The following CLYBL variants were observed in gnomAD, a reference collection of about 807,000 sequenced individuals.
CLYBL encodes the protein citramalyl-CoA lyase, also known as citramalyl-CoA lyase, mitochondrial.
A neutral mutation model predicts 38.9 loss-of-function variants in CLYBL; 31 were observed. That is an observed-to-expected ratio of 0.80 (90% CI 0.60 to 1.08). The LOEUF is 1.08. Ranked by LOEUF, CLYBL falls within the 50% of genes least tolerant of loss-of-function variation. CLYBL has a pLI of 0.00. For missense variants in CLYBL, 434 were observed against 411.6 expected (o/e 1.05, Z -0.47); for synonymous variants, 171 against 158.6 (o/e 1.08, Z -0.59).
In CLYBL at chr13:99,830,145, G is replaced by A. The variant is rs144616916; in HGVS notation, c.250-28716G>A. Among the ~76,000 whole-genome samples, 114 of 152,278 alleles carry A rather than the reference G, an allele frequency of 7.5e-4. 1 individual carries two copies. The highest frequency in any genetic ancestry group is 2.2e-3 in the African/African-American group (90 of 41,558). ...ACTTTTGTCTCCTTGTTTCTAAAAT[G>A]ACTAGATAATTGTAGAGCTTTCTTC... On this transcript the variant is annotated intron_variant, in intron 2 of 8. Coordinates refer to ENST00000339105, the MANE Select transcript of CLYBL (RefSeq NM_206808.5).
intron 1 of CLYBL, among the ~76,000 whole-genome samples, chr13:99,615,883 G>A (rs1380559327): frequency 6.6e-6 from 1 of 152,124 alleles, no homozygotes; most frequent in Non-Finnish European, 1.5e-5. Context: ...GCTCAGGCTG[G>A]AGTGCAGTGG....
At chr13:99,875,732 C>T (rs754300501) in intron 7 of CLYBL, among the ~76,000 whole-genome samples, 1 of 152,216 alleles carries the variant, frequency 6.6e-6, no homozygotes, top group African/African-American at 2.4e-5. Flanking sequence ...CCACACCCAT[C>T]CAGCCCACGA....
At chr13:99,789,581 G>C (rs566410828) in intron 2 of CLYBL, among the ~76,000 whole-genome samples, 2 of 152,282 alleles carry the variant, frequency 1.3e-5, no homozygotes, top group African/African-American at 4.8e-5. Flanking sequence ...TATAATTTCT[G>C]TTCTTTGACA....
chr13:99,872,867 AGCGTTGTT>A (rs2051942990), intron 7 of CLYBL, among the ~76,000 whole-genome samples: 1 of 152,170 alleles, frequency 6.6e-6, no homozygotes, highest in African/African-American at 2.4e-5. Flanking sequence ...TATCTTGAAA[AGCGTTGTT>A]CCCTGGGAAA....
At chr13:99,885,086 C>A (rs2052316175) in intron 7 of CLYBL, 1 of 529,974 alleles carries the variant, frequency 1.9e-6, no homozygotes, top group South Asian at 1.4e-5. Flanking sequence ...GTGCTGGGTG[C>A]CAGGTCCTGG....
intron 1 of CLYBL, among the ~76,000 whole-genome samples, chr13:99,679,091 G>A (rs1238891338): frequency 6.6e-6 from 1 of 152,078 alleles, no homozygotes. Context: ...TCAGGAGATT[G>A]AGATCATCCT....
intron 1 of CLYBL, among the ~76,000 whole-genome samples, chr13:99,702,516 G>A (rs1244398029): frequency 2.0e-5 from 3 of 151,462 alleles, no homozygotes; most frequent in Admixed American, 6.6e-5. Context: ...CCTGTAATCC[G>A]AGCTACTTAG....
At chr13:99,887,682 G>T (rs2152129164) in intron 7 of CLYBL, among the ~76,000 whole-genome samples, 1 of 152,296 alleles carries the variant, frequency 6.6e-6, no homozygotes, top group Middle Eastern at 3.4e-3. Context: ...GAGCCTGGGA[G>T]GTCGAGGCTG....
chr13:99,734,912 A>G (rs1444378892), intron 1 of CLYBL, among the ~76,000 whole-genome samples: 2 of 152,218 alleles, frequency 1.3e-5, no homozygotes. Flanking sequence ...CTATATTACT[A>G]TAAAATCTAC....
rs937083552 is a variant in CLYBL, at chr13:99,849,270, G to A, written c.250-9591G>A. Among the ~76,000 whole-genome samples the A allele has an allele frequency of 3.3e-5, 5 of 152,154 alleles. No homozygotes were observed. In the East Asian group the frequency reaches 7.7e-4, roughly 23 times the overall value. On this transcript the variant is annotated intron_variant, in intron 2 of 8. Transcript: ENST00000339105. This position sits in a 1 kb window ranked among gnomAD's most constrained non-coding sequence, Gnocchi z 4.9. ...TGCATGTCTGTAGTCCCAGTTAGTC[G>A]GGAGGCCGTGGTGGGAGGATTGCTT...
chr13:99,685,949 A>C (rs996390318), intron 1 of CLYBL, among the ~76,000 whole-genome samples: 8 of 152,096 alleles, frequency 5.3e-5, no homozygotes, highest in African/African-American at 1.9e-4. Flanking sequence ...GCGACAGAAC[A>C]AGACCCTGTT....
intron 1 of CLYBL, among the ~76,000 whole-genome samples, chr13:99,672,209 T>C (rs1323851409): frequency 6.6e-6 from 1 of 150,992 alleles, no homozygotes; most frequent in Non-Finnish European, 1.5e-5. Context: ...TTTCTTTTTT[T>C]TTTTTTTGAG....
At chr13:99,619,310 C>T (rs144205272) in intron 1 of CLYBL, among the ~76,000 whole-genome samples, 134 of 152,286 alleles carry the variant, frequency 8.8e-4, no homozygotes, top group African/African-American at 2.4e-3. Context: ...AGCAATAAGG[C>T]GCCATATTGG....
At chr13:99,817,149 C>A (rs900180179) in intron 2 of CLYBL, among the ~76,000 whole-genome samples, 1 of 152,088 alleles carries the variant, frequency 6.6e-6, no homozygotes, top group Non-Finnish European at 1.5e-5. Flanking sequence ...TCATTGAGAT[C>A]GTAGTGTGTT....
chr13:99,732,374 C>T (rs76724953), intron 1 of CLYBL, among the ~76,000 whole-genome samples: 2,241 of 151,928 alleles, frequency 0.015, 27 homozygotes, highest in South Asian at 0.03. Context: ...TTGTATATTT[C>T]GTAGAGATGG....
At chr13:99,646,299 G>T (rs974229487) in intron 1 of CLYBL, among the ~76,000 whole-genome samples, 2 of 152,066 alleles carry the variant, frequency 1.3e-5, no homozygotes, top group African/African-American at 4.8e-5. Flanking sequence ...TTCTAATGAG[G>T]AGTGGTGTGT....
chr13:99,898,133 G>A (rs2052603868), downstream of CLYBL, among the ~76,000 whole-genome samples: 1 of 152,182 alleles, frequency 6.6e-6, no homozygotes, highest in South Asian at 2.1e-4. Context: ...CTGGCTAAAG[G>A]GGAGAGATTC....
intron 2 of CLYBL, among the ~76,000 whole-genome samples, chr13:99,816,008 C>A (rs897573075): frequency 6.6e-6 from 1 of 152,164 alleles, no homozygotes. Flanking sequence ...TTCTGAATTC[C>A]AGTCAAACAA....
chr13:99,789,012 A>T (rs1167257021), intron 2 of CLYBL, among the ~76,000 whole-genome samples: 4 of 152,104 alleles, frequency 2.6e-5, no homozygotes, highest in Non-Finnish European at 5.9e-5. Context: ...GTATTCTCTG[A>T]TGGTAGTTTG....
Sources: gnomAD v4.1 joint callset for allele counts (sites outside exome capture counted in the v4.1 genomes callset) on GRCh38, gnomAD v4.1.1 for gene constraint, Gnocchi (gnomAD v3.1) non-coding constraint, MANE v1.5 for transcripts, NCBI Gene and HGNC (gene_info 2026-07-23, HGNC 2026-07-21) for gene names.